The following ZNF804A variants were observed in gnomAD, a reference collection of about 807,000 sequenced individuals.
ZNF804A encodes the protein zinc finger protein 804A.
Under a neutral mutation model 16.5 loss-of-function variants are expected in ZNF804A, and 2 were observed. That is an observed-to-expected ratio of 0.12 (90% CI 0.05 to 0.38). ZNF804A has a LOEUF of 0.38. ZNF804A is among the 10% of genes least tolerant of loss of function. The pLI is 0.99. For missense variants in ZNF804A, 1,473 were observed against 1,390.7 expected (o/e 1.06, Z -0.94); for synonymous variants, 534 against 489.6 (o/e 1.09, Z -1.20).
chr2:184,708,061 T>C lies in ZNF804A; in HGVS notation c.111+108991T>C, dbSNP rs550294967. ...TAGTGATTTTGATTATTTTTTCATA[T>C]GTTTGCTGGCTGTTTGTATGTCTTC... On this transcript the variant is annotated intron_variant, in intron 1 of 3. Transcript: ENST00000302277. 3.9e-5 allele frequency among the ~76,000 whole-genome samples: 6 copies of C among 152,268 alleles called. No homozygotes were observed. In the South Asian group the frequency reaches 1.2e-3, roughly 32 times the overall value.
At chr2:184,610,703 G>A (rs1691222861) in intron 1 of ZNF804A, among the ~76,000 whole-genome samples, 1 of 152,090 alleles carries the variant, frequency 6.6e-6, no homozygotes, top group Non-Finnish European at 1.5e-5. Flanking sequence ...GGTGAAGACA[G>A]TCAATGTCTG....
At chr2:184,606,275 C>T (rs1297534055) in intron 1 of ZNF804A, among the ~76,000 whole-genome samples, 1 of 152,126 alleles carries the variant, frequency 6.6e-6, no homozygotes, top group African/African-American at 2.4e-5. Context: ...CCTCAGAAAA[C>T]TTACAATCAT....
intron 1 of ZNF804A, among the ~76,000 whole-genome samples, chr2:184,729,180 G>T (rs1165175668): frequency 6.6e-6 from 1 of 151,674 alleles, no homozygotes; most frequent in Non-Finnish European, 1.5e-5. Flanking sequence ...AATTTTAAGT[G>T]CTCTCAACAC....
chr2:184,827,716 A>T (rs1695187207), intron 1 of ZNF804A, among the ~76,000 whole-genome samples: 1 of 151,306 alleles, frequency 6.6e-6, no homozygotes, highest in African/African-American at 2.4e-5. Context: ...TATATACAAG[A>T]TTCATCCAGA....
intron 1 of ZNF804A, among the ~76,000 whole-genome samples, chr2:184,679,509 T>G (rs761704846): frequency 2.6e-4 from 39 of 152,152 alleles, no homozygotes; most frequent in Non-Finnish European, 4.4e-4. Flanking sequence ...ACTGTGGACC[T>G]GGACATCTCT....
chr2:184,661,674 C>T (rs1692177932), intron 1 of ZNF804A, among the ~76,000 whole-genome samples: 1 of 152,098 alleles, frequency 6.6e-6, no homozygotes, highest in Non-Finnish European at 1.5e-5. Flanking sequence ...GATGGAAGTT[C>T]TCACTTTGGT....
intron 1 of ZNF804A, among the ~76,000 whole-genome samples, chr2:184,676,095 A>C (rs1692424739): frequency 6.6e-6 from 1 of 151,762 alleles, no homozygotes; most frequent in Non-Finnish European, 1.5e-5. Flanking sequence ...CATGTTGGCC[A>C]TAGCCATTAT....
chr2:184,845,134 GA>G (rs1234271615), intron 1 of ZNF804A, among the ~76,000 whole-genome samples: 1 of 151,612 alleles, frequency 6.6e-6, no homozygotes, highest in Non-Finnish European at 1.5e-5. Context: ...TTTTCCTTTA[GA>G]AAACTTAACA....
chr2:184,637,132 G>A (rs1402017413), intron 1 of ZNF804A, among the ~76,000 whole-genome samples: 1 of 152,062 alleles, frequency 6.6e-6, no homozygotes, highest in African/African-American at 2.4e-5. Context: ...AGTGGATTGA[G>A]TTTAAAATTA....
chr2:184,648,386 G>A (rs1174406525), intron 1 of ZNF804A, among the ~76,000 whole-genome samples: 3 of 152,126 alleles, frequency 2.0e-5, no homozygotes, highest in African/African-American at 4.8e-5. Flanking sequence ...ACAACTTCTT[G>A]ATAGGATAAA....
At chr2:184,674,133 G>A (rs558828057) in intron 1 of ZNF804A, among the ~76,000 whole-genome samples, 4 of 151,984 alleles carry the variant, frequency 2.6e-5, no homozygotes, top group Admixed American at 2.6e-4. Flanking sequence ...AAAATAATTT[G>A]TTATGACTTT....
At chr2:184,600,280 TA>T (rs1553519991) in intron 1 of ZNF804A, among the ~76,000 whole-genome samples, 1 of 152,240 alleles carries the variant, frequency 6.6e-6, no homozygotes, top group Non-Finnish European at 1.5e-5. Context: ...AAGTTTTACG[TA>T]AATTCTTGAT....
chr2:184,600,942 A>G (rs1291939704), intron 1 of ZNF804A, among the ~76,000 whole-genome samples: 2 of 152,164 alleles, frequency 1.3e-5, no homozygotes, highest in African/African-American at 2.4e-5. Context: ...AGATGAATAA[A>G]CCTAAATATA....
At chr2:184,860,016 G>A (rs575828848) in intron 1 of ZNF804A, among the ~76,000 whole-genome samples, 84 of 152,314 alleles carry the variant, frequency 5.5e-4, no homozygotes, top group African/African-American at 2.0e-3. Flanking sequence ...AACTCCACAG[G>A]AATAGGTCTG....
chr2:184,755,977 TTAA>T (rs1693952911), intron 1 of ZNF804A, among the ~76,000 whole-genome samples: 1 of 152,024 alleles, frequency 6.6e-6, no homozygotes, highest in Non-Finnish European at 1.5e-5. Context: ...TGCAAATTAT[TTAA>T]TGTTTAACAA....
At chr2:184,888,434 T>C (rs1684929956) in intron 2 of ZNF804A, among the ~76,000 whole-genome samples, 1 of 152,158 alleles carries the variant, frequency 6.6e-6, no homozygotes, top group Non-Finnish European at 1.5e-5. Flanking sequence ...CAGGATATGG[T>C]ATGCTGTGCC....
intron 1 of ZNF804A, among the ~76,000 whole-genome samples, chr2:184,853,890 A>G (rs1695645369): frequency 7.1e-6 from 1 of 141,834 alleles, no homozygotes; most frequent in Middle Eastern, 3.8e-3. Context: ...TTTTGGCAGT[A>G]TCCTTGTCTG....
intron 1 of ZNF804A, among the ~76,000 whole-genome samples, chr2:184,646,223 C>G (rs541193924): frequency 6.6e-6 from 1 of 152,174 alleles, no homozygotes; most frequent in Admixed American, 6.5e-5. Flanking sequence ...ACAGCCAGAA[C>G]TATGTAAAGT....
chr2:184,802,015 GGCTT>G (rs1694734677), intron 1 of ZNF804A, among the ~76,000 whole-genome samples: 1 of 152,090 alleles, frequency 6.6e-6, no homozygotes, highest in Non-Finnish European at 1.5e-5. Flanking sequence ...GTTGTCCGGG[GGCTT>G]GCTTGACAAC....
Sources: gnomAD v4.1 joint callset for allele counts (sites outside exome capture counted in the v4.1 genomes callset) on GRCh38, gnomAD v4.1.1 for gene constraint, MANE v1.5 for transcripts, NCBI Gene and HGNC (gene_info 2026-07-23, HGNC 2026-07-21) for gene names.